Variants in HIP1 observed in about 807,000 individuals in gnomAD.
HIP1 encodes huntingtin interacting protein 1, also known as huntingtin-interacting protein 1.
HIP1 carries 65 observed loss-of-function variants against 147.6 expected under a neutral mutation model. The observed-to-expected ratio is 0.44, with a 90% CI of 0.36 to 0.54. The LOEUF (loss-of-function observed/expected upper bound fraction) is 0.54, where lower values mean the gene tolerates loss of function less well. HIP1 is among the 20% of genes least tolerant of loss of function. The pLI, the probability that HIP1 is intolerant of heterozygous loss-of-function variation, is 0.00. For missense variants in HIP1, 1,061 were observed against 1,299.6 expected, an observed-to-expected ratio of 0.82 and a Z score of 2.82; for synonymous variants, 479 against 504.0, an observed-to-expected ratio of 0.95 and a Z score of 0.67.
chr7:75,713,152 G>C (rs554486241), intron 1 of HIP1, among the ~76,000 whole-genome samples: 3 of 152,338 alleles, frequency 2.0e-5, no homozygotes, highest in Non-Finnish European at 4.4e-5. Flanking sequence ...TGAGTGCCAT[G>C]GGGAACCTGG....
At chr7:75,697,229 G>A (rs1340435614) in intron 1 of HIP1, among the ~76,000 whole-genome samples, 2 of 152,052 alleles carry the variant, frequency 1.3e-5, no homozygotes, top group Non-Finnish European at 2.9e-5. Flanking sequence ...TCTGGGCTAT[G>A]TATTCTATCT....
intron 1 of HIP1, among the ~76,000 whole-genome samples, chr7:75,724,369 T>C (rs574278023): frequency 6.6e-6 from 1 of 152,162 alleles, no homozygotes; most frequent in African/African-American, 2.4e-5. Context: ...TGCCTCAGCC[T>C]TCTGAGTAGC....
At chr7:75,602,526 C>T (rs1440525323) in intron 1 of HIP1, among the ~76,000 whole-genome samples, 10 of 102,146 alleles carry the variant, frequency 9.8e-5, no homozygotes, top group African/African-American at 3.6e-4. Flanking sequence ...TTTTTTGAGA[C>T]GGAGTCTCGC....
At chr7:75,639,233 C>G in intron 1 of HIP1, 1 of 964,262 alleles carries the variant, frequency 1.0e-6, no homozygotes, top group Non-Finnish European at 1.2e-6. Flanking sequence ...AAGGCTGGAC[C>G]GGAGAAAGGA....
chr7:75,566,658 T>C (rs1328671213), intron 9 of HIP1, among the ~76,000 whole-genome samples: 1 of 151,300 alleles, frequency 6.6e-6, no homozygotes, highest in Non-Finnish European at 1.5e-5. Context: ...TTTGGTCCGA[T>C]GCCCAAGCCC....
intron 2 of HIP1, among the ~76,000 whole-genome samples, chr7:75,598,155 C>T (rs782550096): frequency 6.6e-6 from 1 of 152,134 alleles, no homozygotes; most frequent in Non-Finnish European, 1.5e-5. Flanking sequence ...TGGCTCATGC[C>T]TGTGATCTCA....
intron 1 of HIP1, among the ~76,000 whole-genome samples, chr7:75,661,093 A>G (rs1341025341): frequency 6.6e-6 from 1 of 152,030 alleles, no homozygotes. Context: ...AGCCCGGGCA[A>G]CATGGCAAAA....
chr7:75,645,580 C>T (rs1798775654), intron 1 of HIP1, among the ~76,000 whole-genome samples: 1 of 152,104 alleles, frequency 6.6e-6, no homozygotes, highest in African/African-American at 2.4e-5. Flanking sequence ...CTGGCAATTC[C>T]ATTACTGGGT....
In HIP1 at chr7:75,568,214, A is replaced by G; in HGVS notation, c.788T>C (p.Met263Thr). The stretch of plus-strand genomic sequence containing the variant: ...AACCACTTACTTTGTAAACTGCTCC[A>G]TGAAGCGGTCCCGGTGGCCTTGCAG... ...DTLQGHRDRF[M>T]EQFTKLKDLF... Residue 263 changes from methionine (M) to threonine (T), a missense_variant, in exon 9 of 31, where the codon ATG becomes ACG. This residue lies in a region of HIP1 where 26 missense variants were observed against 59.9 expected (regional missense o/e 0.43). Transcript: ENST00000336926. The surrounding 1 kb of genome is among the most constrained non-coding windows in gnomAD (Gnocchi z 4.1). 1.2e-6 allele frequency: 2 copies of G among 1,612,710 alleles called. No individual in the cohort carries two copies. Among genetic ancestry groups the G allele is most frequent in the African/African-American group, 1.3e-5 (1 of 74,936 alleles).
intron 1 of HIP1, among the ~76,000 whole-genome samples, chr7:75,686,171 T>A (rs1554517575): frequency 6.6e-6 from 1 of 152,214 alleles, no homozygotes; most frequent in Non-Finnish European, 1.5e-5. Flanking sequence ...ATTACAGGCG[T>A]GAGCCACTGC....
intron 1 of HIP1, among the ~76,000 whole-genome samples, chr7:75,635,470 C>A (rs1006458690): frequency 6.6e-6 from 1 of 150,662 alleles, no homozygotes; most frequent in South Asian, 2.1e-4. Context: ...CCCAGCTACT[C>A]GGGAGGCTAA....
chr7:75,732,477 C>G (rs1340777144), intron 1 of HIP1, among the ~76,000 whole-genome samples: 1 of 152,074 alleles, frequency 6.6e-6, no homozygotes, highest in Non-Finnish European at 1.5e-5. Context: ...CTTAAACAAT[C>G]GTCCTGTCTC....
intron 1 of HIP1, among the ~76,000 whole-genome samples, chr7:75,601,297 T>C (rs587620197): frequency 1.8e-4 from 27 of 151,136 alleles, no homozygotes; most frequent in Admixed American, 8.6e-4. Flanking sequence ...GTTTTGAAAA[T>C]AAAGCTTATG....
chr7:75,573,835 G>A lies in HIP1; in HGVS notation c.671C>T (p.Pro224Leu), dbSNP rs1795736992. The stretch of plus-strand genomic sequence containing the variant: ...GCAGTCCAAGATGACCTGGATCAGC[G>A]GGGCGAGGCGGCACTGCCCTGCTGC... ...VTAAGQCRLA[P>L]LIQVILDCSH... Residue 224 changes from proline (P) to leucine (L), a missense_variant, in exon 8 of 31, where the codon CCG becomes CTG. Around this residue, in one of 3 missense-constraint regions of HIP1, gnomAD observed 225 missense variants for 292.9 expected, o/e 0.77. Transcript: ENST00000336926. 6 of 1,613,942 alleles carry A rather than the reference G, an allele frequency of 3.7e-6. No individual in the cohort carries two copies. Among genetic ancestry groups the A allele is most frequent in the Non-Finnish European group, 4.2e-6 (5 of 1,179,824 alleles).
intron 1 of HIP1, among the ~76,000 whole-genome samples, chr7:75,618,818 T>C (rs587661197): frequency 3.3e-5 from 5 of 152,026 alleles, no homozygotes; most frequent in African/African-American, 1.2e-4. Flanking sequence ...ATCCCAGCAC[T>C]AGAAAACCTG....
At chr7:75,733,441 T>C (rs1563319789) in intron 1 of HIP1, 2 of 152,646 alleles carry the variant, frequency 1.3e-5, no homozygotes, top group African/African-American at 2.4e-5. Context: ...TTTTTTTTTT[T>C]TTTTTGAGGG....
chr7:75,617,262 A>T (rs1332967817), intron 1 of HIP1, among the ~76,000 whole-genome samples: 1 of 152,068 alleles, frequency 6.6e-6, no homozygotes, highest in Non-Finnish European at 1.5e-5. Flanking sequence ...AGTTTTTAGT[A>T]GAGACGGGGT....
At position 75,545,328 on chromosome 7, in the gene HIP1, G is replaced by A; in HGVS notation, c.2560-140C>T. On this transcript the variant is annotated intron_variant, in intron 25 of 30. Coordinates refer to ENST00000336926, the MANE Select transcript of HIP1 (RefSeq NM_005338.7). ...ATTAGTATTCCCATTTTACAAAAAA[G>A]AAGAAGATTCAGAGACCAAAATGGC... 9.3e-6 allele frequency: 6 copies of A among 646,984 alleles called. No homozygotes were observed. The South Asian group carries it at 1.0e-4, about 11-fold the overall frequency. The allele number at this position is 646,984 out of a possible 1,614,324, so 40.1% of individuals were successfully genotyped here. A position where few individuals can be genotyped will look rare whatever the true frequency, so the allele number is the denominator to read the frequency against.
chr7:75,617,178 G>A (rs587762457), intron 1 of HIP1, among the ~76,000 whole-genome samples: 5 of 150,986 alleles, frequency 3.3e-5, no homozygotes, highest in South Asian at 2.1e-4. Flanking sequence ...CGGCTCAAGC[G>A]ATTCCCTTGT....
Sources: allele counts gnomAD v4.1 joint callset (sites outside exome capture counted in the v4.1 genomes callset), GRCh38; gene constraint gnomAD v4.1.1; regional missense constraint gnomAD v4.1.1; non-coding constraint Gnocchi (gnomAD v3.1); transcripts MANE v1.5; gene names NCBI Gene and HGNC (gene_info 2026-07-23, HGNC 2026-07-21).